The following TIAM2 variants were observed in gnomAD, a reference collection of about 807,000 sequenced individuals.
TIAM2 encodes rho guanine nucleotide exchange factor TIAM2.
Under a neutral mutation model 152.9 loss-of-function variants are expected in TIAM2, and 80 were observed. That is an observed-to-expected ratio of 0.52 (90% CI 0.44 to 0.63). The LOEUF (loss-of-function observed/expected upper bound fraction) is 0.63. Ranked by LOEUF, TIAM2 falls within the 30% of genes least tolerant of loss-of-function variation. The pLI, the probability that TIAM2 is intolerant of heterozygous loss-of-function variation, is 0.00. For missense variants in TIAM2, 1,965 were observed against 2,120.1 expected, an observed-to-expected ratio of 0.93 and a Z score of 1.44; for synonymous variants, 804 against 838.0, an observed-to-expected ratio of 0.96 and a Z score of 0.70.
At chr6:155,052,979 AT>A (rs1308031670) in intron 1 of TIAM2, among the ~76,000 whole-genome samples, 1 of 152,090 alleles carries the variant, frequency 6.6e-6, no homozygotes, top group Non-Finnish European at 1.5e-5. Context: ...ATTAATGAGT[AT>A]CTGTTGAATG....
intron 19 of TIAM2, among the ~76,000 whole-genome samples, chr6:155,246,747 CCATTCCT>C (rs1783360811): frequency 6.6e-6 from 1 of 152,212 alleles, no homozygotes; most frequent in Non-Finnish European, 1.5e-5. Context: ...ATGGCTTGCT[CCATTCCT>C]CCTTTGTCAT....
At position 155,243,991 on chromosome 6, in the gene TIAM2, T is replaced by C. The variant is rs1303084163; in HGVS notation, c.3349-20T>C. 1 of 1,613,148 alleles carries C rather than the reference T, an allele frequency of 6.2e-7. No individual in the cohort carries two copies. The highest frequency in any genetic ancestry group is 8.5e-7 in the Non-Finnish European group (1 of 1,179,386). ...TTGGAGACTAAAGCGTTGAAGACACTTTCTTCTATTTTCTTTCAGGATTTG... is the reference window on the plus strand; with the variant it reads ...TTGGAGACTAAAGCGTTGAAGACACCTTCTTCTATTTTCTTTCAGGATTTG... On this transcript the variant is annotated intron_variant, in intron 16 of 26. Coordinates refer to ENST00000682666, the MANE Select transcript of TIAM2 (RefSeq NM_012454.4).
chr6:155,134,926 C>T (rs1028531390), intron 4 of TIAM2, among the ~76,000 whole-genome samples: 1 of 152,050 alleles, frequency 6.6e-6, no homozygotes, highest in African/African-American at 2.4e-5. Context: ...AGGATGGTCT[C>T]GATCTCCTGA....
chr6:155,062,768 T>C (rs563114810), intron 1 of TIAM2, among the ~76,000 whole-genome samples: 1 of 152,098 alleles, frequency 6.6e-6, no homozygotes, highest in African/African-American at 2.4e-5. Context: ...TGAGACGGGG[T>C]TTCACCATGT....
intron 7 of TIAM2, among the ~76,000 whole-genome samples, chr6:155,162,621 TCATCAGTAATAAGGC>T (rs1780300390): frequency 6.6e-6 from 1 of 152,010 alleles, no homozygotes; most frequent in Admixed American, 6.6e-5. Context: ...AGAACAGGAG[TCATCAGTAATAAGGC>T]CATGCACCAG....
At chr6:155,200,228 T>G (rs1015228059) in intron 14 of TIAM2, among the ~76,000 whole-genome samples, 2 of 152,226 alleles carry the variant, frequency 1.3e-5, no homozygotes, top group Non-Finnish European at 2.9e-5. Flanking sequence ...CTTGTGATCA[T>G]CTGGGGCTTT....
chr6:155,240,228 G>A (rs575012588), intron 15 of TIAM2, among the ~76,000 whole-genome samples: 1 of 152,388 alleles, frequency 6.6e-6, no homozygotes, highest in East Asian at 1.9e-4. Flanking sequence ...CACCTTGACT[G>A]CAGAGGGTTA....
intron 14 of TIAM2, among the ~76,000 whole-genome samples, chr6:155,197,581 C>T (rs571447060): frequency 9.2e-5 from 14 of 152,102 alleles, no homozygotes; most frequent in African/African-American, 3.1e-4. Flanking sequence ...ACAGACATAC[C>T]CGAGACTGAG....
chr6:155,194,145 G>C (rs995623655), intron 14 of TIAM2, among the ~76,000 whole-genome samples: 1 of 152,196 alleles, frequency 6.6e-6, no homozygotes, highest in Non-Finnish European at 1.5e-5. Context: ...GGAATGAGAA[G>C]GTAGATGAGG....
At chr6:155,095,919 A>G (rs993537893) in intron 2 of TIAM2, among the ~76,000 whole-genome samples, 3 of 152,220 alleles carry the variant, frequency 2.0e-5, no homozygotes, top group African/African-American at 7.2e-5. Flanking sequence ...CCCAGTAGCT[A>G]GTATTTATAA....
chr6:155,254,653 C>G, intron 26 of TIAM2, 80 bp downstream of exon 26: 2 of 1,527,150 alleles, frequency 1.3e-6, no homozygotes, highest in Non-Finnish European at 1.8e-6. Context: ...TGTAACATAG[C>G]TGTGACTTTT....
chr6:155,131,980 C>T (rs1412478915), intron 4 of TIAM2, among the ~76,000 whole-genome samples: 1 of 151,756 alleles, frequency 6.6e-6, no homozygotes, highest in Non-Finnish European at 1.5e-5. Flanking sequence ...ACTGATAAAA[C>T]TGATAAAATA....
intron 2 of TIAM2, among the ~76,000 whole-genome samples, chr6:155,107,925 C>T (rs1041883802): frequency 1.3e-5 from 2 of 152,118 alleles, no homozygotes; most frequent in African/African-American, 4.8e-5. Flanking sequence ...CTTGGCTTTA[C>T]ATTAATTTGG....
chr6:155,028,234 TATA>T (rs1177042075), intron 1 of TIAM2, among the ~76,000 whole-genome samples: 1 of 130,508 alleles, frequency 7.7e-6, no homozygotes. Context: ...ATATACTACA[TATA>T]ATATATGTAC....
rs1203248834 is a variant in TIAM2, at chr6:155,130,216, C to T, written c.993C>T (p.Asn331=). The change falls in exon 4 of 27, where the codon AAC becomes AAT. Residue 331 remains asparagine (N), a synonymous_variant. Transcript: ENST00000682666. The part of the protein sequence containing the change: ...EYMGTHASLS[N]RVSFASDIDV... ...TGGGCACGCATGCCAGCCTGAGCAA[C>T]CGTGTCTCTTTTGCTTCCGACATTG... The T allele has an allele frequency of 1.9e-6, 3 of 1,614,090 alleles. No homozygotes were observed. In the African/African-American group the frequency reaches 4.0e-5, roughly 22 times the overall value.
intron 1 of TIAM2, among the ~76,000 whole-genome samples, chr6:155,020,996 C>T (rs1163609023): frequency 6.6e-6 from 1 of 152,174 alleles, no homozygotes; most frequent in East Asian, 1.9e-4. Flanking sequence ...TCTTTTGTGA[C>T]TGGCTTATTT....
intron 7 of TIAM2, among the ~76,000 whole-genome samples, chr6:155,151,010 G>A (rs535127466): frequency 6.6e-6 from 1 of 152,304 alleles, no homozygotes; most frequent in Admixed American, 6.5e-5. Flanking sequence ...TTTTCACCCT[G>A]TTAGGAACAA....
chr6:155,053,758 A>G (rs1459335341), intron 1 of TIAM2, among the ~76,000 whole-genome samples: 5 of 152,198 alleles, frequency 3.3e-5, no homozygotes, highest in Admixed American at 3.3e-4. Context: ...GGAATGAGCC[A>G]CTACGCCTGG....
intron 1 of TIAM2, among the ~76,000 whole-genome samples, chr6:154,999,637 A>G (rs1173762229): frequency 1.3e-5 from 2 of 152,172 alleles, no homozygotes; most frequent in Non-Finnish European, 2.9e-5. Flanking sequence ...GCTTCTGCAG[A>G]CCATAAATGT....
Sources: allele counts gnomAD v4.1 joint callset (sites outside exome capture counted in the v4.1 genomes callset), GRCh38; gene constraint gnomAD v4.1.1; transcripts MANE v1.5; gene names NCBI Gene and HGNC (gene_info 2026-07-23, HGNC 2026-07-21).